The following PLCH1 variants were observed in gnomAD, a reference collection of about 807,000 sequenced individuals.
PLCH1 encodes phospholipase C eta 1.
In PLCH1, 60 loss-of-function variants were observed where a neutral mutation model predicts 126.7. That is an observed-to-expected ratio of 0.47 (90% CI 0.38 to 0.59). The LOEUF is 0.59. Among genes scored for constraint, PLCH1 ranks in the 20% least tolerant of loss-of-function variants. The pLI is 0.00. For synonymous variants in PLCH1, 719 were observed against 734.9 expected (o/e 0.98, Z 0.35); for missense variants, 1,723 against 2,040.0 (o/e 0.84, Z 2.99).
At chr3:155,686,997 G>A (rs1006028205) in intron 2 of PLCH1, among the ~76,000 whole-genome samples, 1 of 152,088 alleles carries the variant, frequency 6.6e-6, no homozygotes, top group Non-Finnish European at 1.5e-5. Flanking sequence ...GTACACATAA[G>A]GCAATAAAAT....
chr3:155,702,627 A>G lies in PLCH1; in HGVS notation c.79+1519T>C, dbSNP rs191029616. Among the ~76,000 whole-genome samples the G allele has an allele frequency of 2.0e-5, 3 of 152,302 alleles. No individual in the cohort carries two copies. In the East Asian group the frequency reaches 5.8e-4, roughly 29 times the overall value. On this transcript the variant is annotated intron_variant, in intron 2 of 22. Coordinates refer to ENST00000460012, the MANE Select transcript of PLCH1 (RefSeq NM_014996.4). ...TACATAGAAAAAATTTTAAATGATT[A>G]TAGCCTTTGAGATCTCTGAATAAAG... is the stretch of plus-strand genomic sequence containing the variant.
intron 2 of PLCH1, among the ~76,000 whole-genome samples, chr3:155,678,467 A>T (rs1297629498): frequency 6.6e-6 from 1 of 152,226 alleles, no homozygotes; most frequent in South Asian, 2.1e-4. Flanking sequence ...GCCTAGAGAT[A>T]TCTACTTATT....
chr3:155,681,281 T>G (rs949179977), intron 2 of PLCH1, among the ~76,000 whole-genome samples: 1 of 152,202 alleles, frequency 6.6e-6, no homozygotes, highest in Non-Finnish European at 1.5e-5. Context: ...AAAACTTGCT[T>G]TGAGGCTTAC....
chr3:155,655,914 A>G (rs1443140767), intron 2 of PLCH1, among the ~76,000 whole-genome samples: 1 of 152,160 alleles, frequency 6.6e-6, no homozygotes, highest in African/African-American at 2.4e-5. Flanking sequence ...TCAATAAAAC[A>G]GATTACAAAA....
chr3:155,643,265 G>C (rs567258235), intron 2 of PLCH1, among the ~76,000 whole-genome samples: 2 of 152,122 alleles, frequency 1.3e-5, no homozygotes, highest in South Asian at 4.2e-4. Context: ...TGGTTACTTA[G>C]ATCACTATGC....
chr3:155,708,742 GCTTTTAAGA>G (rs1384854798), intron 1 of PLCH1, among the ~76,000 whole-genome samples: 1 of 151,718 alleles, frequency 6.6e-6, no homozygotes, highest in African/African-American at 2.4e-5. Context: ...TTTTCAACTT[GCTTTTAAGA>G]CTTACAAAAT....
At chr3:155,497,673 TA>T (rs548524838) in intron 14 of PLCH1, among the ~76,000 whole-genome samples, 3 of 152,192 alleles carry the variant, frequency 2.0e-5, no homozygotes, top group Non-Finnish European at 2.9e-5. Context: ...AACCATGGTC[TA>T]AAAATATTAA....
intron 21 of PLCH1, among the ~76,000 whole-genome samples, chr3:155,464,093 T>G (rs551068592): frequency 4.6e-5 from 7 of 152,134 alleles, no homozygotes; most frequent in Non-Finnish European, 8.8e-5. Context: ...GTTTCACAGG[T>G]GCATTGGAGG....
Position 155,481,218 on chromosome 3 carries a change from GC to G in PLCH1, c.4807del (p.Ala1603GlnfsTer16). On this transcript the variant is annotated frameshift_variant, in exon 23 of 23. Transcript: ENST00000460012. LOFTEE classifies it low-confidence loss of function (END_TRUNC). The surrounding 1 kb of genome is among the most constrained non-coding windows in gnomAD (Gnocchi z 4.2). ...GGGTTTGTTTCTAAGAACCACTCCT[GC>G]CCCATTGCTGGGGTTTGGAACTTTC... ...KQKVPNPSNG[A>X]GVVLRNKPSA... 1 of 1,614,220 alleles carries G rather than the reference GC, an allele frequency of 6.2e-7. No homozygotes were observed. Among genetic ancestry groups the G allele is most frequent in the Non-Finnish European group, 8.5e-7 (1 of 1,180,040 alleles).
At chr3:155,676,680 G>C (rs1017900617) in intron 2 of PLCH1, among the ~76,000 whole-genome samples, 12 of 152,168 alleles carry the variant, frequency 7.9e-5, no homozygotes, top group African/African-American at 2.9e-4. Context: ...CAGGTTAAGT[G>C]CATATTCAAA....
At position 155,568,256 on chromosome 3, in the gene PLCH1, C is replaced by T. The variant is rs570591222; in HGVS notation, c.840G>A (p.Lys280=). ...CTTCTATGCCAAGAACATTTTTCAC[C>T]TTATTTTCTTCTGAAACTTCAAACT... ...IKKFEVSEEN[K]VKNVLGIEGF... Residue 280 remains lysine, a synonymous_variant, in exon 7 of 23, where the codon AAG becomes AAA. Transcript: ENST00000460012. The T allele has an allele frequency of 4.8e-4, 703 of 1,477,240 alleles. 11 individuals carry two copies. The South Asian group carries it at 7.7e-3, about 16-fold the overall frequency. 91.5% of individuals were successfully genotyped at this position (1,477,240 alleles called of 1,614,324 possible).
chr3:155,458,511 GAGAAATAAGAAAGAGAA>G (rs1712574562), intron 21 of PLCH1, among the ~76,000 whole-genome samples: 1 of 99,144 alleles, frequency 1.0e-5, no homozygotes, highest in African/African-American at 7.1e-5. Flanking sequence ...AAAGAAGAGA[GAGAAATAAGAAAGAGAA>G]AGAAAGAAAA....
intron 12 of PLCH1, among the ~76,000 whole-genome samples, chr3:155,512,840 C>G (rs1307013764): frequency 6.6e-6 from 1 of 152,198 alleles, no homozygotes; most frequent in Non-Finnish European, 1.5e-5. Flanking sequence ...CATTTCTGAA[C>G]TATCACTATG....
chr3:155,525,265 A>T (rs1721744972), intron 10 of PLCH1, among the ~76,000 whole-genome samples: 1 of 152,196 alleles, frequency 6.6e-6, no homozygotes, highest in Non-Finnish European at 1.5e-5. Context: ...AAATCCATGT[A>T]TTAGAACCTA....
chr3:155,504,603 T>C lies in PLCH1; in HGVS notation c.1656A>G (p.Gly552=), dbSNP rs753748144. 4.4e-6 allele frequency: 7 copies of C among 1,606,764 alleles called. No homozygotes were observed. The Admixed American group carries it at 1.2e-4, about 27-fold the overall frequency. The change falls in exon 13 of 23, where the codon GGA becomes GGG. Residue 552 remains glycine, a synonymous_variant. Transcript: ENST00000460012. ...LKQSPDVKES[G]KKSHGRSLMT... ...TGAGGGATCGTCCATGTGATTTCTTTCCACTTTCCTTTACATCTGGACTCT... is the reference window on the plus strand; with the variant it reads ...TGAGGGATCGTCCATGTGATTTCTTCCCACTTTCCTTTACATCTGGACTCT...
chr3:155,647,102 C>G (rs954895799), intron 2 of PLCH1, among the ~76,000 whole-genome samples: 2 of 152,032 alleles, frequency 1.3e-5, no homozygotes, highest in African/African-American at 4.8e-5. Flanking sequence ...TTTTTGATTT[C>G]CAACTCTCTT....
intron 2 of PLCH1, among the ~76,000 whole-genome samples, chr3:155,699,273 C>T (rs576397312): frequency 1.1e-4 from 17 of 152,156 alleles, no homozygotes; most frequent in Admixed American, 8.5e-4. Context: ...GACAGGGTTT[C>T]GCCATGTTGG....
chr3:155,615,285 T>G (rs1735655728), intron 2 of PLCH1, among the ~76,000 whole-genome samples: 1 of 152,010 alleles, frequency 6.6e-6, no homozygotes, highest in Non-Finnish European at 1.5e-5. Context: ...CAAAAAATAC[T>G]AAGTGTTGGC....
intron 10 of PLCH1, among the ~76,000 whole-genome samples, chr3:155,527,128 TG>T (rs1722056964): frequency 6.6e-6 from 1 of 152,192 alleles, no homozygotes; most frequent in Non-Finnish European, 1.5e-5. Flanking sequence ...GGCTTCTAGA[TG>T]GGGGGCCCAT....
Sources: allele counts gnomAD v4.1 joint callset (sites outside exome capture counted in the v4.1 genomes callset), GRCh38; gene constraint gnomAD v4.1.1; non-coding constraint Gnocchi (gnomAD v3.1); transcripts MANE v1.5; gene names NCBI Gene and HGNC (gene_info 2026-07-23, HGNC 2026-07-21).